The following CADPS variants were observed in gnomAD, a reference collection of about 807,000 sequenced individuals.
The protein encoded by CADPS is calcium-dependent secretion activator 1.
A neutral mutation model predicts 167.3 loss-of-function variants in CADPS; 57 were observed. The ratio of observed to expected loss-of-function variants is 0.34; its 90% CI spans 0.28 to 0.42. The LOEUF (loss-of-function observed/expected upper bound fraction) is 0.42. CADPS is among the 20% of genes least tolerant of loss of function. CADPS has a pLI of 1.00. For synonymous variants in CADPS, 676 were observed against 635.3 expected (o/e 1.06, Z -0.96); for missense variants, 1,414 against 1,738.1 (o/e 0.81, Z 3.32).
intron 5 of CADPS, among the ~76,000 whole-genome samples, chr3:62,649,200 T>C (rs1180429128): frequency 1.3e-5 from 2 of 152,154 alleles, no homozygotes; most frequent in Non-Finnish European, 2.9e-5. Flanking sequence ...AAGTTACAAG[T>C]GGTTCTCAAA....
intron 17 of CADPS, among the ~76,000 whole-genome samples, chr3:62,510,970 A>G (rs1363529869): frequency 6.6e-6 from 1 of 152,108 alleles, no homozygotes; most frequent in East Asian, 1.9e-4. Context: ...TTTAACCTCA[A>G]CTTTTAAGTC....
At chr3:62,572,174 T>C (rs2081410609) in intron 8 of CADPS, among the ~76,000 whole-genome samples, 1 of 152,170 alleles carries the variant, frequency 6.6e-6, no homozygotes, top group South Asian at 2.1e-4. Flanking sequence ...CTGACAAATT[T>C]CAGGGGCCCT....
chr3:62,632,772 G>A (rs151023830), intron 6 of CADPS, among the ~76,000 whole-genome samples: 18 of 152,184 alleles, frequency 1.2e-4, no homozygotes, highest in African/African-American at 3.6e-4. Context: ...AAGGGAATGC[G>A]TTTATTTTTT....
At chr3:62,566,569 T>G (rs1301380929) in intron 9 of CADPS, among the ~76,000 whole-genome samples, 2 of 147,234 alleles carry the variant, frequency 1.4e-5, no homozygotes, top group African/African-American at 4.9e-5. Context: ...TGCTTCTAAA[T>G]GTGATCACTT....
At chr3:62,431,532 ATTT>A (rs78659106) in intron 28 of CADPS, among the ~76,000 whole-genome samples, 2 of 142,626 alleles carry the variant, frequency 1.4e-5, no homozygotes, top group Non-Finnish European at 3.1e-5. Flanking sequence ...ATTCAGCTTG[ATTT>A]TTTTTTTTTT....
At chr3:62,623,952 G>A (rs2063582202) in intron 6 of CADPS, among the ~76,000 whole-genome samples, 1 of 69,928 alleles carries the variant, frequency 1.4e-5, no homozygotes, top group Admixed American at 2.1e-4. Flanking sequence ...TTTTTTTCTG[G>A]TTGTCACCAC....
intron 7 of CADPS, among the ~76,000 whole-genome samples, chr3:62,592,048 A>G (rs1210387410): frequency 1.3e-5 from 2 of 152,172 alleles, no homozygotes; most frequent in East Asian, 3.9e-4. Flanking sequence ...CTTTACAAGT[A>G]TTGCTTAATA....
intron 27 of CADPS, among the ~76,000 whole-genome samples, chr3:62,441,352 AAAG>A (rs994118353): frequency 2.6e-5 from 4 of 152,230 alleles, no homozygotes; most frequent in African/African-American, 4.8e-5. Flanking sequence ...TGGCTCAGAA[AAAG>A]AAGAACATTT....
chr3:62,467,694 A>T (rs2060105607), intron 24 of CADPS, among the ~76,000 whole-genome samples: 1 of 152,170 alleles, frequency 6.6e-6, no homozygotes, highest in African/African-American at 2.4e-5. Context: ...ATGAGAAGGG[A>T]GAAACCAGTA....
intron 6 of CADPS, among the ~76,000 whole-genome samples, chr3:62,634,754 G>A (rs1489718648): frequency 1.3e-5 from 2 of 152,172 alleles, no homozygotes; most frequent in Non-Finnish European, 2.9e-5. Context: ...TCTACCCAAT[G>A]ACTTAAATGT....
At chr3:62,766,712 C>T (rs1398008877) in intron 1 of CADPS, among the ~76,000 whole-genome samples, 1 of 152,118 alleles carries the variant, frequency 6.6e-6, no homozygotes, top group Non-Finnish European at 1.5e-5. Context: ...CTTAGGAAAA[C>T]TTTCCTAAAA....
intron 10 of CADPS, among the ~76,000 whole-genome samples, chr3:62,555,142 G>C (rs1022479763): frequency 5.9e-5 from 9 of 152,188 alleles, no homozygotes; most frequent in Admixed American, 4.6e-4. Flanking sequence ...CATTACTTGG[G>C]GAATAAATAG....
At chr3:62,855,220 C>T (rs577104928) in intron 1 of CADPS, among the ~76,000 whole-genome samples, 5 of 151,620 alleles carry the variant, frequency 3.3e-5, no homozygotes, top group Non-Finnish European at 7.4e-5. Flanking sequence ...GCTGGGATTA[C>T]AGGCATGAGG....
chr3:62,728,305 G>C (rs1180240360), intron 3 of CADPS, among the ~76,000 whole-genome samples: 1 of 151,598 alleles, frequency 6.6e-6, no homozygotes, highest in African/African-American at 2.4e-5. Context: ...TCCTCCTCTC[G>C]AACATCTGCA....
chr3:62,613,425 C>T (rs1369766317), intron 6 of CADPS, among the ~76,000 whole-genome samples: 1 of 152,144 alleles, frequency 6.6e-6, no homozygotes, highest in African/African-American at 2.4e-5. Context: ...TAAGACTCTT[C>T]TTCATAAGTT....
chr3:62,694,248 C>T (rs375170842), intron 3 of CADPS, among the ~76,000 whole-genome samples: 8 of 152,182 alleles, frequency 5.3e-5, no homozygotes, highest in African/African-American at 1.9e-4. Context: ...TTATCAAAGT[C>T]CATTGGATCA....
At chr3:62,665,566 C>T (rs1340664069) in intron 3 of CADPS, among the ~76,000 whole-genome samples, 3 of 152,166 alleles carry the variant, frequency 2.0e-5, no homozygotes, top group African/African-American at 7.2e-5. Flanking sequence ...CTAATTGATC[C>T]TGACAGTTAA....
At chr3:62,571,054 C>T (rs1201369947) in intron 8 of CADPS, 116 bp from the exon 9 acceptor site, 16 of 734,816 alleles carry the variant, frequency 2.2e-5, no homozygotes, top group Admixed American at 4.5e-5. Flanking sequence ...GGCTCAGGAA[C>T]GGGGCGCAGA....
intron 9 of CADPS, among the ~76,000 whole-genome samples, chr3:62,566,184 C>T (rs2080149769): frequency 6.6e-6 from 1 of 152,196 alleles, no homozygotes. Flanking sequence ...AGGGAGTTCC[C>T]TCCAAGGCTG....
Sources: gnomAD v4.1 joint callset for allele counts (sites outside exome capture counted in the v4.1 genomes callset) on GRCh38, gnomAD v4.1.1 for gene constraint, MANE v1.5 for transcripts, NCBI Gene and HGNC (gene_info 2026-07-23, HGNC 2026-07-21) for gene names.